The following MAGI1 variants were observed in gnomAD, a reference collection of about 807,000 sequenced individuals.
The protein encoded by MAGI1 is membrane-associated guanylate kinase, WW and PDZ domain-containing protein 1.
Under a neutral mutation model 139.9 loss-of-function variants are expected in MAGI1, and 58 were observed. That is an observed-to-expected ratio of 0.41 (90% confidence interval 0.34 to 0.52). The LOEUF is 0.52. MAGI1 is among the 20% of genes least tolerant of loss of function. The pLI, the probability that MAGI1 is intolerant of heterozygous loss-of-function variation, is 0.12. For missense variants in MAGI1, 1,874 were observed against 1,901.6 expected (o/e 0.99, Z 0.27); for synonymous variants, 812 against 737.9 (o/e 1.10, Z -1.63).
chr3:65,890,444 G>A (rs1037963736), intron 1 of MAGI1, among the ~76,000 whole-genome samples: 1 of 152,152 alleles, frequency 6.6e-6, no homozygotes, highest in African/African-American at 2.4e-5. Context: ...CACCGAGGAG[G>A]TCAGAAACAT....
At position 65,974,688 on chromosome 3, in the gene MAGI1, G is replaced by A. The variant is rs1331997587; in HGVS notation, c.313+63308C>T. Among the ~76,000 whole-genome samples, 3 of 152,146 alleles carry A rather than the reference G, an allele frequency of 2.0e-5. No homozygotes were observed. In the East Asian group the frequency reaches 5.8e-4, roughly 29 times the overall value. On this transcript the variant is annotated intron_variant, in intron 1 of 22. Coordinates refer to ENST00000402939, the MANE Select transcript of MAGI1 (RefSeq NM_001033057.2). ...ATACTCTTCCAAGCTCATTCGCATG[G>A]CTGTCAGCAGGGGGCTTCAGTTCCT...
chr3:65,731,232 T>C (rs1224183172), intron 1 of MAGI1, among the ~76,000 whole-genome samples: 1 of 152,134 alleles, frequency 6.6e-6, no homozygotes, highest in Admixed American at 6.5e-5. Flanking sequence ...GGAGCAAATA[T>C]GGGAATGTTT....
chr3:65,688,952 A>G (rs1235467977), intron 1 of MAGI1, among the ~76,000 whole-genome samples: 1 of 152,188 alleles, frequency 6.6e-6, no homozygotes, highest in Non-Finnish European at 1.5e-5. Flanking sequence ...TTTCTACACT[A>G]TCCCTACTCT....
chr3:65,641,294 T>C (rs779717197), intron 1 of MAGI1, among the ~76,000 whole-genome samples: 1 of 152,162 alleles, frequency 6.6e-6, no homozygotes, highest in Non-Finnish European at 1.5e-5. Flanking sequence ...AACCGAATGT[T>C]GTTACCTCTA....
At chr3:65,741,488 T>C (rs1369704855) in intron 1 of MAGI1, among the ~76,000 whole-genome samples, 2 of 152,218 alleles carry the variant, frequency 1.3e-5, no homozygotes, top group East Asian at 3.9e-4. Context: ...GCTTTATTTA[T>C]TAAGCTACAA....
In MAGI1 at chr3:65,381,794, T is replaced by C. The variant is rs995627831; in HGVS notation, c.2701+83A>G. 1.0e-5 allele frequency: 13 copies of C among 1,291,646 alleles called. No individual in the cohort carries two copies. The Admixed American group carries it at 1.6e-4, about 16-fold the overall frequency. The allele number at this position is 1,291,646 out of a possible 1,614,324, so 80.0% of individuals were successfully genotyped here. On this transcript the variant is annotated intron_variant, in intron 16 of 22. Coordinates refer to ENST00000402939, the MANE Select transcript of MAGI1 (RefSeq NM_001033057.2). ...TGCAAACATTTGCTAAAATAGACGC[T>C]CAAGGAGGCAGACACAGGAAGGAGG...
At chr3:65,856,683 A>C (rs2059387551) in intron 1 of MAGI1, among the ~76,000 whole-genome samples, 1 of 152,168 alleles carries the variant, frequency 6.6e-6, no homozygotes, top group African/African-American at 2.4e-5. Context: ...GCTACACCTC[A>C]ATGTCAATGG....
rs1941689763 is a variant in MAGI1, at chr3:65,368,760, A to G, written c.3197-3814T>C. 2.0e-5 allele frequency among the ~76,000 whole-genome samples: 3 copies of G among 152,340 alleles called. No individual in the cohort carries two copies. The South Asian group carries it at 6.2e-4, about 32-fold the overall frequency. ...TAATGCCTTTGCCAAGGAAACAGCA[A>G]TATCTATATGTTGCCAAGCTCTACC... is the stretch of plus-strand genomic sequence containing the variant. On this transcript the variant is annotated intron_variant, in intron 18 of 22. Coordinates refer to ENST00000402939, the MANE Select transcript of MAGI1 (RefSeq NM_001033057.2).
intron 1 of MAGI1, among the ~76,000 whole-genome samples, chr3:65,957,046 C>T (rs548729091): frequency 5.9e-5 from 9 of 151,938 alleles, no homozygotes; most frequent in African/African-American, 2.2e-4. Flanking sequence ...ATAGTCTAAC[C>T]CAATCCTACA....
At chr3:65,367,592 T>C (rs1363349482) in intron 18 of MAGI1, among the ~76,000 whole-genome samples, 1 of 152,200 alleles carries the variant, frequency 6.6e-6, no homozygotes, top group South Asian at 2.1e-4. Flanking sequence ...CATTACCACA[T>C]ACTTCATTTG....
At position 65,557,091 on chromosome 3, in the gene MAGI1, C is replaced by T. The variant is rs72902223; in HGVS notation, c.431-63460G>A. On this transcript the variant is annotated intron_variant, in intron 2 of 22. Transcript: ENST00000402939. ...CCAGACTCGGTATGTTGTTGACCTC[C>T]AAGATGGCCATTAATGAGCCCCATT... Among the ~76,000 whole-genome samples the T allele has an allele frequency of 8.5e-3, 1,301 of 152,298 alleles. 14 individuals are homozygous for T. Among genetic ancestry groups the T allele is most frequent in the African/African-American group, 0.029 (1,201 of 41,546 alleles).
intron 1 of MAGI1, among the ~76,000 whole-genome samples, chr3:65,657,211 G>A (rs975837335): frequency 1.3e-5 from 2 of 152,104 alleles, no homozygotes; most frequent in African/African-American, 4.8e-5. Context: ...GGCTAAGTAA[G>A]TGTCTTACCC....
At chr3:65,778,449 T>A (rs144919986) in intron 1 of MAGI1, among the ~76,000 whole-genome samples, 57,999 of 126,274 alleles carry the variant, frequency 0.46, 15,293 homozygotes, top group Non-Finnish European at 0.51. Flanking sequence ...AAAAAATAAA[T>A]AAATAAGTCT....
chr3:65,956,343 A>C (rs1352897033), intron 1 of MAGI1, among the ~76,000 whole-genome samples: 1 of 152,172 alleles, frequency 6.6e-6, no homozygotes, highest in Non-Finnish European at 1.5e-5. Context: ...TGAGTCTCAA[A>C]GAGGTAAATA....
At chr3:65,862,039 CTTCAA>C (rs200899639) in intron 1 of MAGI1, among the ~76,000 whole-genome samples, 2,918 of 152,274 alleles carry the variant, frequency 0.019, 40 homozygotes, top group Non-Finnish European at 0.029. Context: ...TCTTATTTAT[CTTCAA>C]TTCTTCTCTT....
intron 1 of MAGI1, among the ~76,000 whole-genome samples, chr3:65,783,701 T>C (rs1438641223): frequency 1.3e-5 from 2 of 149,702 alleles, no homozygotes; most frequent in African/African-American, 4.9e-5. Flanking sequence ...TTTTGCCACG[T>C]TGCCCAGGCT....
At chr3:66,002,908 T>C (rs2066822503) in intron 1 of MAGI1, among the ~76,000 whole-genome samples, 1 of 152,164 alleles carries the variant, frequency 6.6e-6, no homozygotes, top group Non-Finnish European at 1.5e-5. Flanking sequence ...GGGCCATTTG[T>C]CCAGACAGGT....
At chr3:65,870,853 TG>T (rs1433595402) in intron 1 of MAGI1, among the ~76,000 whole-genome samples, 2 of 151,568 alleles carry the variant, frequency 1.3e-5, no homozygotes, top group Non-Finnish European at 2.9e-5. Context: ...GAGGCCAAGG[TG>T]GGAGGATCAC....
intron 1 of MAGI1, among the ~76,000 whole-genome samples, chr3:65,660,199 G>GATTC (rs1368477916): frequency 6.6e-6 from 1 of 152,180 alleles, no homozygotes; most frequent in Non-Finnish European, 1.5e-5. Context: ...TTGACTTGTT[G>GATTC]ATTCATTCAT....
Sources: gnomAD v4.1 joint callset for allele counts (sites outside exome capture counted in the v4.1 genomes callset) on GRCh38, gnomAD v4.1.1 for gene constraint, MANE v1.5 for transcripts, NCBI Gene and HGNC (gene_info 2026-07-23, HGNC 2026-07-21) for gene names.